The following NFKB1 variants were observed in gnomAD, a reference collection of about 807,000 sequenced individuals.
The protein encoded by NFKB1 is nuclear factor NF-kappa-B p105 subunit.
In NFKB1, 9 loss-of-function variants were observed where a neutral mutation model predicts 105.1. The ratio of observed to expected loss-of-function variants is 0.09; its 90% CI spans 0.05 to 0.15. NFKB1 has a LOEUF of 0.15. NFKB1 is among the 10% of genes least tolerant of loss of function. The pLI is 1.00. For synonymous variants in NFKB1, 440 were observed against 442.2 expected (o/e 1.00, Z 0.06); for missense variants, 830 against 1,203.7 (o/e 0.69, Z 4.59).
chr4:102,536,785 A>C (rs915637145), intron 4 of NFKB1, among the ~76,000 whole-genome samples: 7 of 152,176 alleles, frequency 4.6e-5, no homozygotes, highest in Non-Finnish European at 8.8e-5. Context: ...TAGAAACAAA[A>C]GGTGAGAATG....
chr4:102,571,472 A>C (rs1724350531), intron 6 of NFKB1, among the ~76,000 whole-genome samples: 1 of 152,232 alleles, frequency 6.6e-6, no homozygotes, highest in South Asian at 2.1e-4. Flanking sequence ...CCAAAGCCAA[A>C]ATTGACAAAT....
chr4:102,573,282 T>C (rs910321123), intron 6 of NFKB1, among the ~76,000 whole-genome samples: 3 of 152,174 alleles, frequency 2.0e-5, no homozygotes, highest in Non-Finnish European at 4.4e-5. Context: ...CACTCCGGCC[T>C]GCGCAACAAG....
intron 9 of NFKB1, among the ~76,000 whole-genome samples, chr4:102,581,012 G>C (rs1209720465): frequency 6.6e-6 from 1 of 152,100 alleles, no homozygotes; most frequent in Non-Finnish European, 1.5e-5. Context: ...GTTTTACATA[G>C]TATTAAATTG....
chr4:102,556,389 G>A (rs550641777), intron 5 of NFKB1, among the ~76,000 whole-genome samples: 56 of 152,270 alleles, frequency 3.7e-4, no homozygotes, highest in Middle Eastern at 3.4e-3. Context: ...TCAAGGGAGT[G>A]ATCACGATAA....
At chr4:102,542,186 A>G (rs558816401) in intron 5 of NFKB1, among the ~76,000 whole-genome samples, 3 of 152,292 alleles carry the variant, frequency 2.0e-5, no homozygotes, top group Admixed American at 1.3e-4. Flanking sequence ...ATAGTGTCCC[A>G]TGCATAAAAC....
intron 15 of NFKB1, among the ~76,000 whole-genome samples, chr4:102,598,356 A>C (rs1388585195): frequency 2.0e-5 from 3 of 152,266 alleles, no homozygotes; most frequent in Non-Finnish European, 4.4e-5. Flanking sequence ...AACAAGAGAC[A>C]GCAGCCTTCA....
chr4:102,573,284 C>T (rs117264848), intron 6 of NFKB1, among the ~76,000 whole-genome samples: 2 of 152,046 alleles, frequency 1.3e-5, no homozygotes, highest in East Asian at 1.9e-4. Flanking sequence ...CTCCGGCCTG[C>T]GCAACAAGAA....
At chr4:102,550,391 A>G (rs1722483152) in intron 5 of NFKB1, among the ~76,000 whole-genome samples, 2 of 152,150 alleles carry the variant, frequency 1.3e-5, no homozygotes, top group African/African-American at 4.8e-5. Context: ...CTCTTTCATT[A>G]GGCAGAGCTA....
At chr4:102,594,521 T>A (rs188390187) in intron 12 of NFKB1, among the ~76,000 whole-genome samples, 14 of 152,306 alleles carry the variant, frequency 9.2e-5, no homozygotes, top group Admixed American at 9.2e-4. Flanking sequence ...TTTTCTGTGC[T>A]TTGTTTGATT....
intron 11 of NFKB1, among the ~76,000 whole-genome samples, chr4:102,587,914 C>G (rs1350344630): frequency 6.6e-6 from 1 of 152,124 alleles, no homozygotes; most frequent in Non-Finnish European, 1.5e-5. Flanking sequence ...TGGATCCAAA[C>G]TGTACAACCC....
chr4:102,503,217 A>C (rs1046133691), intron 1 of NFKB1, among the ~76,000 whole-genome samples: 1 of 152,172 alleles, frequency 6.6e-6, no homozygotes, highest in African/African-American at 2.4e-5. Flanking sequence ...GTAGAATTTT[A>C]CATTCATGAT....
rs144590462 is a variant in NFKB1, at chr4:102,505,421, G to C, written c.-8+3633G>C. Among the ~76,000 whole-genome samples the C allele has an allele frequency of 3.7e-3, 571 of 152,270 alleles. 3 individuals are homozygous for C. The highest frequency in any genetic ancestry group is 0.013 in the African/African-American group (548 of 41,548). On this transcript the variant is annotated intron_variant, in intron 1 of 23. Coordinates refer to ENST00000226574, the MANE Select transcript of NFKB1 (RefSeq NM_003998.4). Reference sequence around the variant, plus strand: ...TAGTAACAAACAGAATTAATTATCAGTAATACAAATTTCATCTGCTTTAAT... The same window carrying C: ...TAGTAACAAACAGAATTAATTATCACTAATACAAATTTCATCTGCTTTAAT...
chr4:102,593,926 A>AAG lies in NFKB1; in HGVS notation c.1210+358_1210+359insAG, dbSNP rs577064667. ...TATTATCATACTACAATATAGCTAT[A>AAG]TATTAAACATCTCTATATACTACAT... On this transcript the variant is annotated intron_variant, in intron 12 of 23. Transcript: ENST00000226574. 1.1e-3 allele frequency among the ~76,000 whole-genome samples: 175 copies of AAG among 152,298 alleles called. 2 individuals carry two copies. The East Asian group carries it at 0.022, about 19-fold the overall frequency.
intron 1 of NFKB1, among the ~76,000 whole-genome samples, chr4:102,521,323 G>A (rs1740559442): frequency 6.6e-6 from 1 of 152,082 alleles, no homozygotes; most frequent in Admixed American, 6.6e-5. Context: ...TTCTTTATCA[G>A]TTTATTAGCC....
At chr4:102,611,871 C>T (rs1316482223) in intron 20 of NFKB1, among the ~76,000 whole-genome samples, 173 bp from the exon 21 acceptor site, 1 of 152,226 alleles carries the variant, frequency 6.6e-6, no homozygotes, top group Admixed American at 6.5e-5. Flanking sequence ...TGTTCTTCCC[C>T]CAAAGGGTAC....
intron 20 of NFKB1, among the ~76,000 whole-genome samples, chr4:102,611,778 ACT>A (rs1417922056): frequency 6.6e-6 from 1 of 152,084 alleles, no homozygotes; most frequent in East Asian, 1.9e-4. Flanking sequence ...TATAGCTCTG[ACT>A]CTCTGCAGTT....
chr4:102,536,148 T>G (rs1295029144), intron 4 of NFKB1, among the ~76,000 whole-genome samples: 1 of 152,184 alleles, frequency 6.6e-6, no homozygotes, highest in Non-Finnish European at 1.5e-5. Context: ...ATGTGTTGTT[T>G]TTTTCATGGT....
chr4:102,613,810 C>A (rs1383748020), intron 23 of NFKB1, among the ~76,000 whole-genome samples: 2 of 152,150 alleles, frequency 1.3e-5, no homozygotes, highest in Non-Finnish European at 2.9e-5. Context: ...ACTTAGTAAA[C>A]ACTAAATAAT....
chr4:102,607,010 T>A, intron 17 of NFKB1, 140 bp from the exon 18 acceptor site: 2 of 891,486 alleles, frequency 2.2e-6, no homozygotes, highest in Non-Finnish European at 3.7e-6. Context: ...ACTGTGGGTC[T>A]TCAAAGCAGA....
Sources: gnomAD v4.1 joint callset for allele counts (sites outside exome capture counted in the v4.1 genomes callset) on GRCh38, gnomAD v4.1.1 for gene constraint, MANE v1.5 for transcripts, NCBI Gene and HGNC (gene_info 2026-07-23, HGNC 2026-07-21) for gene names.